The following NFYC variants were observed in gnomAD, a reference collection of about 807,000 sequenced individuals.
NFYC encodes the protein nuclear transcription factor Y subunit gamma.
A neutral mutation model predicts 53.1 loss-of-function variants in NFYC; 25 were observed. That is an observed-to-expected ratio of 0.47 (90% CI 0.34 to 0.66). The LOEUF is 0.66. Among genes scored for constraint, NFYC ranks in the 30% least tolerant of loss-of-function variants. The pLI, the probability that NFYC is intolerant of heterozygous loss-of-function variation, is 0.01. For synonymous variants in NFYC, 145 were observed against 152.6 expected (o/e 0.95, Z 0.37); for missense variants, 260 against 422.7 (o/e 0.62, Z 3.38).
At chr1:40,712,972 G>A (rs1474071410) in intron 1 of NFYC, among the ~76,000 whole-genome samples, 2 of 152,064 alleles carry the variant, frequency 1.3e-5, no homozygotes, top group Admixed American at 6.5e-5. Flanking sequence ...AAAGTGCTGG[G>A]ATTACAAGCA....
intron 1 of NFYC, among the ~76,000 whole-genome samples, chr1:40,707,165 G>T (rs890198371): frequency 2.0e-5 from 3 of 149,112 alleles, no homozygotes; most frequent in African/African-American, 7.4e-5. Context: ...GGGAGACTCT[G>T]CCTCAAAAAA....
At chr1:40,752,290 A>AT (rs1172333382) in intron 4 of NFYC, among the ~76,000 whole-genome samples, 1 of 152,198 alleles carries the variant, frequency 6.6e-6, no homozygotes, top group African/African-American at 2.4e-5. Context: ...CTTTGCCCAA[A>AT]TACTTTAACA....
At chr1:40,710,476 G>A (rs569610973) in intron 1 of NFYC, among the ~76,000 whole-genome samples, 4 of 152,150 alleles carry the variant, frequency 2.6e-5, no homozygotes, top group African/African-American at 9.7e-5. Flanking sequence ...TCAGTAACCA[G>A]CCAGTTCTCA....
chr1:40,768,649 A>G (rs1646938339), intron 8 of NFYC: 2 of 152,282 alleles, frequency 1.3e-5, no homozygotes, highest in African/African-American at 4.8e-5. Context: ...TTGTCATTAT[A>G]TATGCAGTTC....
At chr1:40,696,063 C>A (rs1351027015) in intron 1 of NFYC, among the ~76,000 whole-genome samples, 3 of 131,522 alleles carry the variant, frequency 2.3e-5, no homozygotes, top group Admixed American at 1.7e-4. Context: ...CGCACTGTTT[C>A]CCCAGACTGG....
Position 40,716,272 on chromosome 1 carries a change from C to T in NFYC, c.-8-22564C>T, listed in dbSNP as rs905212494. On this transcript the variant is annotated intron_variant, in intron 1 of 9. Transcript: ENST00000447388. ...TACACAGAATTCAGAGGAGGGGAGA[C>T]GTTCGCTTAGGAATGAAGGCAAGCT... 3.3e-5 allele frequency among the ~76,000 whole-genome samples: 5 copies of T among 152,132 alleles called. No homozygotes were observed. In the South Asian group the frequency reaches 8.3e-4, roughly 25 times the overall value.
chr1:40,703,715 CAAG>C (rs1392112265), intron 1 of NFYC, among the ~76,000 whole-genome samples: 3 of 152,118 alleles, frequency 2.0e-5, no homozygotes, highest in African/African-American at 7.2e-5. Context: ...TTGCTGCCTT[CAAG>C]AAGCCCTTCT....
intron 1 of NFYC, among the ~76,000 whole-genome samples, chr1:40,720,071 C>A (rs1186542851): frequency 6.6e-6 from 1 of 152,158 alleles, no homozygotes; most frequent in Non-Finnish European, 1.5e-5. Flanking sequence ...TTCCTGACAG[C>A]TGTATACATG....
At chr1:40,735,483 T>C in intron 1 of NFYC, 1 of 602,108 alleles carries the variant, frequency 1.7e-6, no homozygotes, top group Non-Finnish European at 2.1e-6. Flanking sequence ...GTTCAAAATT[T>C]AAAAGCAGAC....
intron 1 of NFYC, among the ~76,000 whole-genome samples, chr1:40,702,715 G>A (rs750092752): frequency 3.9e-5 from 6 of 152,178 alleles, no homozygotes; most frequent in African/African-American, 9.6e-5. Context: ...AACCTTGAAG[G>A]TGGATTGGAT....
chr1:40,693,793 T>C (rs181330981), intron 1 of NFYC, among the ~76,000 whole-genome samples: 1 of 152,336 alleles, frequency 6.6e-6, no homozygotes, highest in Non-Finnish European at 1.5e-5. Context: ...GATAATTTTG[T>C]ATTTCCAAGT....
chr1:40,699,485 T>C (rs1017985278), intron 1 of NFYC, among the ~76,000 whole-genome samples: 19 of 152,192 alleles, frequency 1.2e-4, no homozygotes, highest in African/African-American at 4.3e-4. Flanking sequence ...TTTAAACTGT[T>C]TTAAAAATTA....
chr1:40,733,008 GC>G (rs749788691), intron 1 of NFYC, among the ~76,000 whole-genome samples: 4,860 of 53,302 alleles, frequency 0.091, 131 homozygotes, highest in Middle Eastern at 0.17. Context: ...TCCAAGATTC[GC>G]CCCCCCCCCC....
At chr1:40,730,850 TA>T (rs1244994370) in intron 1 of NFYC, among the ~76,000 whole-genome samples, 1 of 152,234 alleles carries the variant, frequency 6.6e-6, no homozygotes, top group Non-Finnish European at 1.5e-5. Context: ...ATGGTTCAAC[TA>T]GTAGTACAGA....
At chr1:40,719,189 C>A (rs981905043) in intron 1 of NFYC, among the ~76,000 whole-genome samples, 1 of 152,154 alleles carries the variant, frequency 6.6e-6, no homozygotes, top group African/African-American at 2.4e-5. Context: ...TTAAATAATC[C>A]GTTGCTTTAA....
At chr1:40,726,397 C>T (rs149378204) in intron 1 of NFYC, among the ~76,000 whole-genome samples, 1,678 of 151,594 alleles carry the variant, frequency 0.011, 17 homozygotes, top group Middle Eastern at 0.017. Context: ...GGATTACAGG[C>T]GTGAGCCACC....
chr1:40,731,836 T>C (rs1427219688), intron 1 of NFYC, among the ~76,000 whole-genome samples: 3 of 152,364 alleles, frequency 2.0e-5, no homozygotes, highest in South Asian at 2.1e-4. Context: ...TTCATACTTA[T>C]TTCAGTGTTT....
intron 1 of NFYC, among the ~76,000 whole-genome samples, chr1:40,724,962 C>T (rs1261262475): frequency 6.6e-6 from 1 of 152,196 alleles, no homozygotes; most frequent in Admixed American, 6.5e-5. Context: ...TTCCTCTTAA[C>T]ACAGATATAC....
rs1055036181 is a variant in NFYC, at chr1:40,695,331, C to T, written c.-9+3464C>T. ...TATTTTCAGAGAAATGAAGGCAAAG[C>T]GAAATGAGGATTCATACCACAGAAT... On this transcript the variant is annotated intron_variant, in intron 1 of 9. Coordinates refer to ENST00000447388, the MANE Select transcript of NFYC (RefSeq NM_014223.5). Among the ~76,000 whole-genome samples the T allele has an allele frequency of 5.3e-5, 8 of 152,144 alleles. 1 individual carries two copies. The South Asian group carries it at 1.0e-3, about 20-fold the overall frequency.
Sources: allele counts gnomAD v4.1 joint callset (sites outside exome capture counted in the v4.1 genomes callset), GRCh38; gene constraint gnomAD v4.1.1; transcripts MANE v1.5; gene names NCBI Gene and HGNC (gene_info 2026-07-23, HGNC 2026-07-21).